The following KIAA0586 variants were observed in gnomAD, a reference collection of about 807,000 sequenced individuals.
KIAA0586 encodes the protein protein TALPID3.
KIAA0586 carries 144 observed loss-of-function variants against 169.8 expected under a neutral mutation model. The ratio of observed to expected loss-of-function variants is 0.85; its 90% CI spans 0.74 to 0.97. The LOEUF (loss-of-function observed/expected upper bound fraction) is 0.97. KIAA0586 is among the 50% of genes least tolerant of loss of function. The pLI is 0.00. For synonymous variants in KIAA0586, 625 were observed against 612.4 expected (o/e 1.02, Z -0.30); for missense variants, 1,854 against 1,823.0 (o/e 1.02, Z -0.31).
chr14:58,553,311 C>T (rs1226149460), downstream of KIAA0586, among the ~76,000 whole-genome samples: 1 of 152,060 alleles, frequency 6.6e-6, no homozygotes, highest in Non-Finnish European at 1.5e-5. Context: ...TGAGTGTTGC[C>T]TGGAGCTAGA....
At position 58,550,159 on chromosome 14, in the gene KIAA0586, C is replaced by T. The variant is rs985828363; in HGVS notation, c.*2227C>T. On this transcript the variant is annotated 3_prime_UTR_variant, in exon 31 of 31. Coordinates refer to ENST00000652326, the MANE Select transcript of KIAA0586 (RefSeq NM_001329943.3). ...GATTACAGGCGTGCGCCACCATGCC[C>T]GGCAAATTTTGTATTTTTAGTAGAG... 4 of 152,216 alleles carry T rather than the reference C, an allele frequency of 2.6e-5. No individual in the cohort carries two copies. The highest frequency in any genetic ancestry group is 6.5e-5 in the Admixed American group (1 of 15,268). 9.4% of individuals were successfully genotyped at this position (152,216 alleles called of 1,614,324 possible). A position where few individuals can be genotyped will look rare whatever the true frequency, so the allele number is the denominator to read the frequency against.
chr14:58,442,034 G>A (rs780303275), intron 4 of KIAA0586: 24 of 152,134 alleles, frequency 1.6e-4, no homozygotes, highest in Non-Finnish European at 2.1e-4. Flanking sequence ...GTGTTTCTTG[G>A]GTTGTCTGCC....
the KIAA0586 span, among the ~76,000 whole-genome samples, chr14:58,556,936 G>A: frequency 6.6e-6 from 1 of 152,074 alleles, no homozygotes; most frequent in Admixed American, 6.6e-5. Context: ...GTAGAGACGG[G>A]GTTTCTCCCT....
chr14:58,507,351 TATATAATATATC>T (rs2044066524), intron 27 of KIAA0586, among the ~76,000 whole-genome samples: 1 of 145,556 alleles, frequency 6.9e-6, no homozygotes, highest in Non-Finnish European at 1.5e-5. Flanking sequence ...TATAATATCA[TATATAATATATC>T]ATATATATGA....
intron 15 of KIAA0586, among the ~76,000 whole-genome samples, chr14:58,467,051 A>G (rs1249426467): frequency 6.6e-6 from 1 of 152,148 alleles, no homozygotes; most frequent in Non-Finnish European, 1.5e-5. Flanking sequence ...CAATTTAAGT[A>G]TGAATATTTT....
chr14:58,444,541 A>G (rs908473005), intron 6 of KIAA0586, among the ~76,000 whole-genome samples: 9 of 152,098 alleles, frequency 5.9e-5, no homozygotes, highest in African/African-American at 2.2e-4. Context: ...TTCCTGCCTC[A>G]GCCTCCCATA....
At chr14:58,514,287 T>A (rs2044598769) in intron 29 of KIAA0586, among the ~76,000 whole-genome samples, 1 of 152,014 alleles carries the variant, frequency 6.6e-6, no homozygotes, top group Non-Finnish European at 1.5e-5. Flanking sequence ...CCAAAATAAT[T>A]CTCTGGAGCT....
At position 58,474,810 on chromosome 14, in the gene KIAA0586, T is replaced by C; in HGVS notation, c.2825+13T>C. The C allele has an allele frequency of 6.4e-7, 1 of 1,558,136 alleles. No homozygotes were observed. Among genetic ancestry groups the C allele is most frequent in the African/African-American group, 1.4e-5 (1 of 72,966 alleles). ...GCTTAATTCAATGGTAAGTTTATAA[T>C]GTTTTTGGTATGAATAGAACCATAG... On this transcript the variant is annotated intron_variant, in intron 19 of 30. Coordinates refer to ENST00000652326, the MANE Select transcript of KIAA0586 (RefSeq NM_001329943.3).
chr14:58,553,092 G>A (rs1406286735), downstream of KIAA0586, among the ~76,000 whole-genome samples: 1 of 152,110 alleles, frequency 6.6e-6, no homozygotes, highest in African/African-American at 2.4e-5. Flanking sequence ...AAAGTACCAC[G>A]GACACTCGAG....
intron 20 of KIAA0586, among the ~76,000 whole-genome samples, chr14:58,480,372 A>G (rs2141092810): frequency 6.6e-6 from 1 of 151,004 alleles, no homozygotes; most frequent in Non-Finnish European, 1.5e-5. Flanking sequence ...AAACTTCTTT[A>G]AGACCTTCAT....
intron 14 of KIAA0586, chr14:58,464,028 T>A (rs2040541727): frequency 8.9e-6 from 4 of 448,772 alleles, no homozygotes; most frequent in South Asian, 6.8e-5. Flanking sequence ...TTTCAGACTA[T>A]GACCAGATAA....
chr14:58,481,608 ATC>A, intron 20 of KIAA0586, among the ~76,000 whole-genome samples: 1 of 152,122 alleles, frequency 6.6e-6, no homozygotes, highest in Non-Finnish European at 1.5e-5. Flanking sequence ...GCCCATTTTT[ATC>A]ACTAAATTCT....
chr14:58,465,099 T>A (rs1183069936), intron 14 of KIAA0586, among the ~76,000 whole-genome samples: 1 of 152,122 alleles, frequency 6.6e-6, no homozygotes, highest in Non-Finnish European at 1.5e-5. Flanking sequence ...TTTAAATACT[T>A]ATGAATTGTT....
chr14:58,557,901 C>CTTTTTTTTTTTTTTTTTTT, the KIAA0586 span, among the ~76,000 whole-genome samples: 91 of 42,508 alleles, frequency 2.1e-3, 26 homozygotes, highest in African/African-American at 4.9e-3. Context: ...CCTGAGAAAT[C>CTTTTTTTTTTTTTTTTTTT]TTTTTTTTTT....
chr14:58,532,625 T>TG (rs1566950238), intron 29 of KIAA0586, among the ~76,000 whole-genome samples: 1 of 152,184 alleles, frequency 6.6e-6, no homozygotes, highest in Non-Finnish European at 1.5e-5. Flanking sequence ...CAAAATATTT[T>TG]TAAATATGTG....
At position 58,487,997 on chromosome 14, in the gene KIAA0586, G is replaced by T. The variant is rs748273270; in HGVS notation, c.3415G>T (p.Asp1139Tyr). 11 of 1,612,630 alleles carry T rather than the reference G, an allele frequency of 6.8e-6. No homozygotes were observed. The highest frequency in any genetic ancestry group is 8.5e-6 in the Non-Finnish European group (10 of 1,179,416). ...CCCAACTTTGTCAGATATTTCCATT[G>T]ATAAATTGAAGGTATCAAGCCCAGA... ...FTPTLSDISI[D>Y]KLKVSSPELP... Residue 1139 changes from aspartate (D) to tyrosine (Y), a missense_variant, in exon 23 of 31, where the codon GAT becomes TAT. Coordinates refer to ENST00000652326, the MANE Select transcript of KIAA0586 (RefSeq NM_001329943.3).
At chr14:58,437,003 T>C (rs546843546) in intron 4 of KIAA0586, among the ~76,000 whole-genome samples, 1 of 152,310 alleles carries the variant, frequency 6.6e-6, no homozygotes, top group African/African-American at 2.4e-5. Flanking sequence ...GAATTAGATA[T>C]ATTTCTTAAA....
At chr14:58,490,679 T>A (rs925952566) in intron 25 of KIAA0586, among the ~76,000 whole-genome samples, 4 of 152,132 alleles carry the variant, frequency 2.6e-5, no homozygotes, top group Admixed American at 2.0e-4. Context: ...TCCAGGGATG[T>A]TAACCCTTTC....
At chr14:58,529,598 A>G in intron 29 of KIAA0586, among the ~76,000 whole-genome samples, 1 of 152,212 alleles carries the variant, frequency 6.6e-6, no homozygotes, top group East Asian at 1.9e-4. Flanking sequence ...AGAACCAATA[A>G]CAAAAACCAT....
Sources: gnomAD v4.1 joint callset for allele counts (sites outside exome capture counted in the v4.1 genomes callset) on GRCh38, gnomAD v4.1.1 for gene constraint, MANE v1.5 for transcripts, NCBI Gene and HGNC (gene_info 2026-07-23, HGNC 2026-07-21) for gene names.